The following DENND1A variants were observed in gnomAD, a reference collection of about 807,000 sequenced individuals.
The protein encoded by DENND1A is DENN domain-containing protein 1A.
In DENND1A, 51 loss-of-function variants were observed where a neutral mutation model predicts 113.7. That is an observed-to-expected ratio of 0.45 (90% CI 0.36 to 0.57). The LOEUF (loss-of-function observed/expected upper bound fraction) is 0.57, where lower values mean the gene tolerates loss of function less well. DENND1A is among the 20% of genes least tolerant of loss of function. The probability of loss-of-function intolerance (pLI) is 0.00; values close to 1 mark genes in which losing one functional copy is unlikely to be tolerated. For missense variants in DENND1A, 1,258 were observed against 1,395.9 expected (o/e 0.90, Z 1.57); for synonymous variants, 565 against 570.8 (o/e 0.99, Z 0.14).
chr9:123,861,386 T>C (rs1293160095), intron 2 of DENND1A, among the ~76,000 whole-genome samples: 1 of 152,230 alleles, frequency 6.6e-6, no homozygotes, highest in Non-Finnish European at 1.5e-5. Flanking sequence ...GGAACTTTCA[T>C]GCTTCTTATT....
chr9:123,753,058 G>A (rs1416807518), intron 5 of DENND1A, among the ~76,000 whole-genome samples: 2 of 152,138 alleles, frequency 1.3e-5, no homozygotes, highest in Non-Finnish European at 2.9e-5. Flanking sequence ...TGTTTGGTAC[G>A]ACTAGGTTTC....
chr9:123,387,072 G>C (rs982108451), intron 22 of DENND1A, among the ~76,000 whole-genome samples: 15 of 152,238 alleles, frequency 9.9e-5, no homozygotes, highest in African/African-American at 3.6e-4. Flanking sequence ...AGGGCAGACA[G>C]ACAAAAGCTG....
intron 22 of DENND1A, 46 bp from the exon 23 acceptor site, chr9:123,383,959 G>C: frequency 6.3e-7 from 1 of 1,577,780 alleles, no homozygotes; most frequent in Non-Finnish European, 8.6e-7. Flanking sequence ...AGGCCTTCAG[G>C]GGAGGAGCAA....
chr9:123,658,244 T>G (rs958941345), intron 8 of DENND1A, among the ~76,000 whole-genome samples: 5 of 152,060 alleles, frequency 3.3e-5, no homozygotes, highest in African/African-American at 1.2e-4. Context: ...ATATTCCAAA[T>G]GAAGGTCTAT....
chr9:123,431,167 A>G (rs1019543919), intron 19 of DENND1A, among the ~76,000 whole-genome samples: 6 of 152,218 alleles, frequency 3.9e-5, no homozygotes, highest in African/African-American at 7.2e-5. Flanking sequence ...TATTAGGTTG[A>G]TGCCAAAGTA....
At chr9:123,406,169 T>C (rs2043835682) in intron 20 of DENND1A, among the ~76,000 whole-genome samples, 2 of 152,254 alleles carry the variant, frequency 1.3e-5, no homozygotes, top group South Asian at 4.1e-4. Context: ...TTACAGAGTC[T>C]TGTCAAGCCC....
At chr9:123,526,385 G>A (rs890836933) in intron 13 of DENND1A, among the ~76,000 whole-genome samples, 3 of 152,040 alleles carry the variant, frequency 2.0e-5, no homozygotes, top group African/African-American at 4.8e-5. Flanking sequence ...TACCGAATAC[G>A]CTTATCTCCC....
At chr9:123,618,761 G>T (rs935870944) in intron 10 of DENND1A, among the ~76,000 whole-genome samples, 4 of 152,164 alleles carry the variant, frequency 2.6e-5, no homozygotes, top group Admixed American at 6.5e-5. Flanking sequence ...CAGTAACGCT[G>T]GGAGTGACAC....
intron 13 of DENND1A, among the ~76,000 whole-genome samples, chr9:123,513,501 A>T (rs749789153): frequency 6.6e-6 from 1 of 152,234 alleles, no homozygotes; most frequent in Non-Finnish European, 1.5e-5. Context: ...AGATCGGCAC[A>T]TCTTTCCCTG....
At chr9:123,401,786 A>G in intron 21 of DENND1A, 1 of 1,614,226 alleles carries the variant, frequency 6.2e-7, no homozygotes, top group South Asian at 1.1e-5. Flanking sequence ...CCCTCTGCCC[A>G]GTCTGGAAAA....
chr9:123,624,122 C>G (rs550683015), intron 10 of DENND1A, among the ~76,000 whole-genome samples: 1 of 152,338 alleles, frequency 6.6e-6, no homozygotes. Context: ...GAGTTCATTT[C>G]TACAGGAGAT....
chr9:123,466,056 A>C (rs1414924861), intron 13 of DENND1A, among the ~76,000 whole-genome samples: 1 of 152,108 alleles, frequency 6.6e-6, no homozygotes, highest in African/African-American at 2.4e-5. Flanking sequence ...GCTGGAGTGC[A>C]GTGGCGCGAT....
intron 19 of DENND1A, among the ~76,000 whole-genome samples, chr9:123,427,760 T>C (rs551341410): frequency 1.5e-4 from 23 of 152,358 alleles, no homozygotes; most frequent in Non-Finnish European, 2.6e-4. Context: ...AGGTATATGC[T>C]TCAGGTGGGG....
intron 5 of DENND1A, among the ~76,000 whole-genome samples, chr9:123,749,698 G>A (rs576311215): frequency 5.9e-5 from 9 of 152,148 alleles, no homozygotes; most frequent in Non-Finnish European, 8.8e-5. Context: ...GAAGTAACAT[G>A]AGCCATCAGC....
intron 20 of DENND1A, among the ~76,000 whole-genome samples, chr9:123,408,286 G>A (rs919286498): frequency 2.6e-5 from 4 of 152,206 alleles, no homozygotes; most frequent in African/African-American, 9.7e-5. Context: ...GTCTGTAGCA[G>A]TGTCCACTGG....
chr9:123,825,264 G>C (rs1839127757), intron 2 of DENND1A, among the ~76,000 whole-genome samples: 1 of 151,060 alleles, frequency 6.6e-6, no homozygotes, highest in African/African-American at 2.4e-5. Context: ...ATTAGTGAAA[G>C]TATTCGTGTT....
rs751326941 is a variant in DENND1A, at chr9:123,630,458, C to T, written c.637G>A (p.Gly213Arg). Reference sequence around the variant, plus strand: ...ATGGGGTAGAGCATCGCCGCAGACCCGTGGATGCAGGCAGTCAGCTGGAAC... The same window carrying T: ...ATGGGGTAGAGCATCGCCGCAGACCTGTGGATGCAGGCAGTCAGCTGGAAC... ...KLSTLTACIH[G>R]SAAMLYPMYW... The change falls in exon 10 of 24, where the codon GGG (glycine) becomes AGG (arginine). Residue 213 changes from glycine to arginine, a missense_variant. Transcript: ENST00000394215. 1 of 1,591,152 alleles carries T rather than the reference C, an allele frequency of 6.3e-7. No individual in the cohort carries two copies. Among genetic ancestry groups the T allele is most frequent in the Non-Finnish European group, 8.6e-7 (1 of 1,167,640 alleles).
chr9:123,652,042 T>C lies in DENND1A; in HGVS notation c.589A>G (p.Ile197Val). ...LYASMLYERR[I>V]LIICSKLSTL... Reference sequence around the variant, plus strand: ...CTGAGTTTGCTGCAAATGATGAGTATCCGGCGTTCGTACAGCATACTGGCG... The same window carrying C: ...CTGAGTTTGCTGCAAATGATGAGTACCCGGCGTTCGTACAGCATACTGGCG... The change falls in exon 9 of 24, where the codon ATA (isoleucine) becomes GTA (valine). Residue 197 changes from isoleucine to valine, a missense_variant. Around this residue, in one of 2 missense-constraint regions of DENND1A, gnomAD observed 1,159 missense variants for 1,231.7 expected, o/e 0.94. Coordinates refer to ENST00000394215, the MANE Select transcript of DENND1A (RefSeq NM_001352964.2). 1 of 1,614,168 alleles carries C rather than the reference T, an allele frequency of 6.2e-7. No homozygotes were observed. Among genetic ancestry groups the C allele is most frequent in the Non-Finnish European group, 8.5e-7 (1 of 1,180,014 alleles).
chr9:123,896,086 C>A (rs1205631889), intron 1 of DENND1A, among the ~76,000 whole-genome samples: 2 of 151,828 alleles, frequency 1.3e-5, no homozygotes, highest in African/African-American at 4.8e-5. Context: ...TAAGCTGAGC[C>A]CAGGAATATG....
Sources: allele counts gnomAD v4.1 joint callset (sites outside exome capture counted in the v4.1 genomes callset), GRCh38; gene constraint gnomAD v4.1.1; regional missense constraint gnomAD v4.1.1; transcripts MANE v1.5; gene names NCBI Gene and HGNC (gene_info 2026-07-23, HGNC 2026-07-21).